HS6ST3: variants seen among roughly 807,000 people sequenced by gnomAD.
HS6ST3 encodes the protein heparan sulfate 6-O-sulfotransferase 3, also known as heparan-sulfate 6-O-sulfotransferase 3.
HS6ST3 carries 12 observed loss-of-function variants against 36.7 expected under a neutral mutation model. The observed-to-expected ratio is 0.33, with a 90% CI of 0.21 to 0.53. The LOEUF (loss-of-function observed/expected upper bound fraction) is 0.53. Ranked by LOEUF, HS6ST3 falls within the 20% of genes least tolerant of loss-of-function variation. The pLI is 0.95. For missense variants in HS6ST3, 584 were observed against 640.9 expected (o/e 0.91, Z 0.96); for synonymous variants, 240 against 257.5 (o/e 0.93, Z 0.65).
intron 1 of HS6ST3, among the ~76,000 whole-genome samples, chr13:96,728,299 A>G (rs1876055860): frequency 6.6e-6 from 1 of 152,174 alleles, no homozygotes; most frequent in African/African-American, 2.4e-5. Flanking sequence ...AAGAAGCCCA[A>G]TATTATATTC....
At chr13:96,349,319 TTG>T (rs2055170884) in intron 1 of HS6ST3, among the ~76,000 whole-genome samples, 1 of 152,192 alleles carries the variant, frequency 6.6e-6, no homozygotes. Flanking sequence ...GTATTTTTTT[TTG>T]TGTGTTTGTG....
At chr13:96,721,262 A>AT (rs759219891) in intron 1 of HS6ST3, among the ~76,000 whole-genome samples, 4 of 152,104 alleles carry the variant, frequency 2.6e-5, no homozygotes, top group Non-Finnish European at 5.9e-5. Context: ...TTATCTACTT[A>AT]ATGACCTCAT....
At chr13:96,609,038 CAGCTCACTGCA>C (rs1416394167) in intron 1 of HS6ST3, among the ~76,000 whole-genome samples, 1 of 152,024 alleles carries the variant, frequency 6.6e-6, no homozygotes, top group Non-Finnish European at 1.5e-5. Context: ...GGCACGATCT[CAGCTCACTGCA>C]AGCTCCACCT....
At chr13:96,220,327 G>C (rs766039991) in intron 1 of HS6ST3, among the ~76,000 whole-genome samples, 16 of 152,186 alleles carry the variant, frequency 1.1e-4, no homozygotes, top group Admixed American at 2.6e-4. Context: ...TTTATAAATA[G>C]ACACTTTTCA....
At chr13:96,572,296 C>G (rs1311732528) in intron 1 of HS6ST3, among the ~76,000 whole-genome samples, 3 of 152,118 alleles carry the variant, frequency 2.0e-5, no homozygotes, top group Non-Finnish European at 2.9e-5. Context: ...AGCATTATTG[C>G]TATGAGACTT....
At chr13:96,569,620 C>A (rs1566399686) in intron 1 of HS6ST3, among the ~76,000 whole-genome samples, 1 of 151,316 alleles carries the variant, frequency 6.6e-6, no homozygotes, top group East Asian at 1.9e-4. Flanking sequence ...AATTGAAAAT[C>A]TTTTTTTTTC....
intron 1 of HS6ST3, among the ~76,000 whole-genome samples, chr13:96,236,603 C>T (rs1031795260): frequency 7.9e-5 from 12 of 152,134 alleles, no homozygotes; most frequent in East Asian, 1.9e-4. Context: ...AAAACTCTGA[C>T]GCCATGAATC....
chr13:96,317,361 TATATATAAAATTATATA>T (rs2054979101), intron 1 of HS6ST3, among the ~76,000 whole-genome samples: 7 of 29,466 alleles, frequency 2.4e-4, no homozygotes, highest in Admixed American at 8.6e-4. Flanking sequence ...TATATATATA[TATATATAAAATTATATA>T]TATATATATA....
At chr13:96,640,832 T>C (rs1195446121) in intron 1 of HS6ST3, among the ~76,000 whole-genome samples, 10 of 151,806 alleles carry the variant, frequency 6.6e-5, no homozygotes. Context: ...TGCTTTTTTA[T>C]TGACTTTGTT....
At chr13:96,198,056 A>C (rs1202917787) in intron 1 of HS6ST3, among the ~76,000 whole-genome samples, 1 of 152,224 alleles carries the variant, frequency 6.6e-6, no homozygotes, top group Non-Finnish European at 1.5e-5. Flanking sequence ...AGAGGTTCCC[A>C]AACCTCAATT....
At chr13:96,720,749 G>C (rs747190119) in intron 1 of HS6ST3, among the ~76,000 whole-genome samples, 7 of 152,150 alleles carry the variant, frequency 4.6e-5, no homozygotes, top group Non-Finnish European at 1.0e-4. Flanking sequence ...TCCTCTTCTG[G>C]TTATAATCCT....
intron 1 of HS6ST3, among the ~76,000 whole-genome samples, chr13:96,454,644 G>T (rs1328060): frequency 0.78 from 118,080 of 151,678 alleles, 48,931 homozygotes; most frequent in Non-Finnish European, 0.94. Flanking sequence ...AAACATTTAG[G>T]TTTTTTTAAT....
intron 1 of HS6ST3, among the ~76,000 whole-genome samples, chr13:96,678,850 A>T (rs1038327099): frequency 6.6e-6 from 1 of 151,966 alleles, no homozygotes; most frequent in African/African-American, 2.4e-5. Context: ...TTATTCATTT[A>T]TTTTTCTTAT....
At position 96,343,075 on chromosome 13, in the gene HS6ST3, A is replaced by C. The variant is rs555364509; in HGVS notation, c.707+251506A>C. On this transcript the variant is annotated intron_variant, in intron 1 of 1. Coordinates refer to ENST00000376705, the MANE Select transcript of HS6ST3 (RefSeq NM_153456.4). The stretch of plus-strand genomic sequence containing the variant: ...TTTCATCGGAAGGGAATTGCATACT[A>C]ATAGGAGTTTCTGATTCTTCAGCAT... Among the ~76,000 whole-genome samples the C allele has an allele frequency of 1.2e-4, 18 of 152,296 alleles. 2 individuals carry two copies. In the South Asian group the frequency reaches 3.1e-3, roughly 26 times the overall value.
intron 1 of HS6ST3, among the ~76,000 whole-genome samples, chr13:96,783,210 G>A (rs951974688): frequency 3.9e-5 from 6 of 152,096 alleles, no homozygotes; most frequent in Non-Finnish European, 7.4e-5. Context: ...GTATGTTAGG[G>A]CCATTTCTTT....
At chr13:96,353,924 T>A (rs1465582008) in intron 1 of HS6ST3, among the ~76,000 whole-genome samples, 1 of 152,162 alleles carries the variant, frequency 6.6e-6, no homozygotes, top group Non-Finnish European at 1.5e-5. Context: ...AATTCAACAG[T>A]GTTATCAAGG....
At chr13:96,790,246 CA>C (rs1312571865) in intron 1 of HS6ST3, among the ~76,000 whole-genome samples, 1 of 148,848 alleles carries the variant, frequency 6.7e-6, no homozygotes, top group East Asian at 2.0e-4. Flanking sequence ...CTTTTTCTCC[CA>C]ATCTGCTGAT....
At chr13:96,560,254 A>G (rs551337786) in intron 1 of HS6ST3, among the ~76,000 whole-genome samples, 8 of 152,344 alleles carry the variant, frequency 5.3e-5, no homozygotes, top group African/African-American at 1.9e-4. Flanking sequence ...TCAGTCATCT[A>G]TGATAATAAT....
intron 1 of HS6ST3, among the ~76,000 whole-genome samples, chr13:96,159,052 A>ACAGCAAAGCCAGGAAGGAGGGAGC (rs1300504453): frequency 6.6e-6 from 1 of 152,164 alleles, no homozygotes; most frequent in Non-Finnish European, 1.5e-5. Flanking sequence ...AGACCCCCTG[A>ACAGCAAAGCCAGGAAGGAGGGAGC]ATATGTTTGT....
Sources: allele counts gnomAD v4.1 joint callset (sites outside exome capture counted in the v4.1 genomes callset), GRCh38; gene constraint gnomAD v4.1.1; transcripts MANE v1.5; gene names NCBI Gene and HGNC (gene_info 2026-07-23, HGNC 2026-07-21).